MYH15: variants seen among roughly 807,000 people sequenced by gnomAD.
MYH15 encodes the protein myosin-15.
A neutral mutation model predicts 240.5 loss-of-function variants in MYH15; 227 were observed. The observed-to-expected ratio is 0.94, with a 90% confidence interval of 0.85 to 1.05. MYH15 has a LOEUF of 1.05. Among genes scored for constraint, MYH15 ranks in the 50% least tolerant of loss-of-function variants. The probability of loss-of-function intolerance (pLI) is 0.00; values close to 1 mark genes in which losing one functional copy is unlikely to be tolerated. For synonymous variants in MYH15, 785 were observed against 796.7 expected, an observed-to-expected ratio of 0.99 and a Z score of 0.25; for missense variants, 2,217 against 2,247.5, an observed-to-expected ratio of 0.99 and a Z score of 0.27.
At chr3:108,515,202 C>T (rs2083551764), upstream of MYH15, among the ~76,000 whole-genome samples, 1 of 152,124 alleles carries the variant, frequency 6.6e-6, no homozygotes, top group Non-Finnish European at 1.5e-5. Flanking sequence ...GGGTATCCCC[C>T]TGGAATACAG....
chr3:108,381,255 GTATT>G lies in MYH15; in HGVS notation c.*286_*289del. On this transcript the variant is annotated 3_prime_UTR_variant, in exon 41 of 41. Coordinates refer to ENST00000693548, the MANE Select transcript of MYH15 (RefSeq NM_014981.3). ...AGAGGAAATATGGACAAAGGATCAA[GTATT>G]TATTCATTTTTTAAACATCAGAATT... is the stretch of plus-strand genomic sequence containing the variant. 2.1e-6 allele frequency: 1 copy of G among 482,830 alleles called. No individual in the cohort carries two copies. The highest frequency in any genetic ancestry group is 3.7e-6 in the Non-Finnish European group (1 of 267,832). The allele number at this position is 482,830 out of a possible 1,614,324, so 29.9% of individuals were successfully genotyped here.
intron 22 of MYH15, among the ~76,000 whole-genome samples, chr3:108,441,684 T>G (rs1157913919): frequency 2.0e-5 from 3 of 152,232 alleles, no homozygotes; most frequent in Non-Finnish European, 2.9e-5. Context: ...AATATTGCAC[T>G]GTAACTGTTA....
rs200070130 is a variant in MYH15, at chr3:108,384,581, G to A, written c.5631+106C>T. On this transcript the variant is annotated intron_variant, in intron 39 of 40. Transcript: ENST00000693548. ...TGAGGATGAGCAGACTCTAAGCTGA[G>A]CAGGTCCTCTCTGACAAGCTGCTTG... is the stretch of plus-strand genomic sequence containing the variant. 808 of 989,006 alleles carry A rather than the reference G, an allele frequency of 8.2e-4. 3 individuals carry two copies. Among genetic ancestry groups the A allele is most frequent in the East Asian group, 7.4e-3 (301 of 40,534 alleles). 61.3% of individuals were successfully genotyped at this position (989,006 alleles called of 1,614,324 possible). A position where few individuals can be genotyped will look rare whatever the true frequency, so the allele number is the denominator to read the frequency against.
intron 22 of MYH15, 140 bp downstream of exon 22, chr3:108,444,500 A>G (rs2082910783): frequency 1.0e-6 from 1 of 994,646 alleles, no homozygotes; most frequent in Non-Finnish European, 1.5e-6. Flanking sequence ...CTTTGTTTTC[A>G]TTGTCTTTGG....
At chr3:108,391,616 C>G (rs1369426019) in intron 37 of MYH15, 144 bp downstream of exon 37, 1 of 865,266 alleles carries the variant, frequency 1.2e-6, no homozygotes, top group Non-Finnish European at 1.8e-6. Flanking sequence ...ATATTGAGAT[C>G]TGACACTCTT....
chr3:108,455,823 G>A lies in MYH15; in HGVS notation c.2175C>T (p.Ser725=), dbSNP rs770547322. The change falls in exon 20 of 41, where the codon AGC becomes AGT. Residue 725 remains serine, a synonymous_variant. Coordinates refer to ENST00000693548, the MANE Select transcript of MYH15 (RefSeq NM_014981.3). ...CILNPRTFPK[S]KFVSSRKAAE... ...CTGCTTTTCTGCTGCTCACAAACTT[G>A]CTCTTTGGAAAGGTCCTTGGATTCA... 6.8e-6 allele frequency: 11 copies of A among 1,613,170 alleles called. No individual in the cohort carries two copies. The South Asian group carries it at 8.8e-5, about 13-fold the overall frequency.
intron 11 of MYH15, among the ~76,000 whole-genome samples, chr3:108,484,453 A>C (rs2083290383): frequency 1.3e-5 from 2 of 151,926 alleles, no homozygotes; most frequent in African/African-American, 2.4e-5. Context: ...ATTTTATCAT[A>C]ATTTGCTCCT....
At chr3:108,448,730 CA>C (rs2082949089) in intron 21 of MYH15, among the ~76,000 whole-genome samples, 6 of 151,446 alleles carry the variant, frequency 4.0e-5, no homozygotes, top group Admixed American at 4.0e-4. Flanking sequence ...AGGTCAGGAA[CA>C]AGACAAGAAT....
At chr3:108,440,247 A>G (rs1422340627) in intron 23 of MYH15, among the ~76,000 whole-genome samples, 1 of 152,200 alleles carries the variant, frequency 6.6e-6, no homozygotes, top group Non-Finnish European at 1.5e-5. Context: ...AACAGTAACA[A>G]CACTAAAAGC....
intron 28 of MYH15, among the ~76,000 whole-genome samples, chr3:108,417,597 G>C (rs1313889306): frequency 6.6e-6 from 1 of 152,062 alleles, no homozygotes; most frequent in Non-Finnish European, 1.5e-5. Flanking sequence ...GTGACGATGA[G>C]AGGGAGAAAT....
At chr3:108,388,927 G>T (rs750062801) in intron 38 of MYH15, 43 bp downstream of exon 38, 3 of 1,564,790 alleles carry the variant, frequency 1.9e-6, no homozygotes, top group Non-Finnish European at 2.6e-6. Context: ...TTTCTGCAGG[G>T]TAGTGCCCAG....
At chr3:108,524,681 C>T (rs1281583082) in intron 1 of MYH15, among the ~76,000 whole-genome samples, 2 of 152,010 alleles carry the variant, frequency 1.3e-5, no homozygotes, top group African/African-American at 4.8e-5. Context: ...AAAACAATAA[C>T]AAAATTGCCC....
chr3:108,410,747 G>C lies in MYH15; in HGVS notation c.4331C>G (p.Ala1444Gly), dbSNP rs770137501. 1.2e-6 allele frequency: 2 copies of C among 1,614,100 alleles called. No homozygotes were observed. The highest frequency in any genetic ancestry group is 3.3e-5 in the Admixed American group (2 of 60,030). Residue 1444 changes from alanine to glycine, a missense_variant, in exon 31 of 41, where the codon GCC becomes GGC. Physicochemically the swap from Ala to Gly is moderately conservative, Grantham distance 60. Coordinates refer to ENST00000693548, the MANE Select transcript of MYH15 (RefSeq NM_014981.3). ...GTGCTTCTGCTTCCAGTCGGCAAGGGCCTTGCCAGACTGCAGCTGCTTCTG... is the reference window on the plus strand; with the variant it reads ...GTGCTTCTGCTTCCAGTCGGCAAGGCCCTTGCCAGACTGCAGCTGCTTCTG... ...LDQKQLQSGK[A>G]LADWKQKHEE...
chr3:108,407,948 C>T (rs372764358), intron 32 of MYH15, among the ~76,000 whole-genome samples: 3 of 152,140 alleles, frequency 2.0e-5, no homozygotes, highest in Admixed American at 6.5e-5. Flanking sequence ...GCCTCCCAAG[C>T]GATGTCCATG....
rs879061238 is a variant in MYH15 at position 108,493,276 on chromosome 3, G to C, written c.712-99C>G. On this transcript the variant is annotated intron_variant, in intron 7 of 40. Coordinates refer to ENST00000693548, the MANE Select transcript of MYH15 (RefSeq NM_014981.3). ...CTTCATTATATGTAACTCTCAAAAG[G>C]ACTACTTCCCCAGAAGTAAAAAACA... 1.7e-5 allele frequency: 12 copies of C among 703,562 alleles called. No homozygotes were observed. In the South Asian group the frequency reaches 2.3e-4, roughly 13 times the overall value. The allele number at this position is 703,562 out of a possible 1,614,324, so 43.6% of individuals were successfully genotyped here.
chr3:108,515,612 A>G (rs1387185574), intron 1 of MYH15, among the ~76,000 whole-genome samples: 1 of 152,218 alleles, frequency 6.6e-6, no homozygotes, highest in Non-Finnish European at 1.5e-5. Flanking sequence ...CTCTGTCCCA[A>G]CAAAGTTTCT....
chr3:108,547,499 T>A, the MYH15 span, among the ~76,000 whole-genome samples: 8 of 151,668 alleles, frequency 5.3e-5, no homozygotes, highest in Non-Finnish European at 8.8e-5. Flanking sequence ...TTAGGGGGTT[T>A]GGGTAGAAAA....
At chr3:108,381,839 A>G (rs1331914006) in intron 40 of MYH15, among the ~76,000 whole-genome samples, 1 of 152,194 alleles carries the variant, frequency 6.6e-6, no homozygotes, top group Non-Finnish European at 1.5e-5. Context: ...ATAAGGAGAA[A>G]GATTCTGCAG....
chr3:108,536,395 TCAG>T, the MYH15 span, among the ~76,000 whole-genome samples: 33 of 152,240 alleles, frequency 2.2e-4, no homozygotes, highest in Admixed American at 4.6e-4. Flanking sequence ...ATCACTCCAC[TCAG>T]CAGATTTCTA....
Sources: gnomAD v4.1 joint callset for allele counts (sites outside exome capture counted in the v4.1 genomes callset) on GRCh38, gnomAD v4.1.1 for gene constraint, MANE v1.5 for transcripts, NCBI Gene and HGNC (gene_info 2026-07-23, HGNC 2026-07-21) for gene names.